Variants in SNRNP40 observed in about 807,000 individuals in gnomAD.
SNRNP40 encodes the protein U5 small nuclear ribonucleoprotein 40 kDa protein.
A neutral mutation model predicts 45.8 loss-of-function variants in SNRNP40; 21 were observed. The observed-to-expected ratio is 0.46, with a 90% confidence interval of 0.32 to 0.66. The LOEUF is 0.66. Ranked by LOEUF, SNRNP40 falls within the 30% of genes least tolerant of loss-of-function variation. The probability of loss-of-function intolerance (pLI) is 0.03; values close to 1 mark genes in which losing one functional copy is unlikely to be tolerated. For missense variants in SNRNP40, 344 were observed against 439.1 expected (o/e 0.78, Z 1.94); for synonymous variants, 142 against 163.8 (o/e 0.87, Z 1.01).
intron 9 of SNRNP40, 110 bp downstream of exon 9, chr1:31,261,419 G>T: frequency 1.4e-6 from 1 of 695,646 alleles, no homozygotes; most frequent in Non-Finnish European, 2.5e-6. Context: ...CCCAAAGGCT[G>T]TTTGCATGGA....
intron 5 of SNRNP40, among the ~76,000 whole-genome samples, chr1:31,275,516 A>G (rs974712175): frequency 2.6e-5 from 4 of 152,092 alleles, no homozygotes; most frequent in Non-Finnish European, 1.5e-5. Flanking sequence ...CAGGCTCCCA[A>G]GTAGCTGGGA....
chr1:31,260,948 G>T, intron 9 of SNRNP40: 1 of 1,079,948 alleles, frequency 9.3e-7, no homozygotes, highest in South Asian at 1.7e-5. Context: ...AAAAAAATTA[G>T]ACTTACCAAC....
chr1:31,264,744 CAG>C (rs1645884804), intron 8 of SNRNP40, among the ~76,000 whole-genome samples: 1 of 152,128 alleles, frequency 6.6e-6, no homozygotes, highest in Admixed American at 6.6e-5. Flanking sequence ...TAGGACTATT[CAG>C]AGTTTCAAGT....
chr1:31,290,980 G>A (rs1646102237), intron 3 of SNRNP40, among the ~76,000 whole-genome samples: 1 of 151,870 alleles, frequency 6.6e-6, no homozygotes, highest in African/African-American at 2.4e-5. Flanking sequence ...AAAGGCATTA[G>A]AAAAATGTAT....
chr1:31,286,346 TG>T (rs912262119), intron 4 of SNRNP40, among the ~76,000 whole-genome samples: 2 of 152,208 alleles, frequency 1.3e-5, no homozygotes, highest in Non-Finnish European at 2.9e-5. Context: ...TTCACTTATT[TG>T]ATTATGCTTC....
rs372524542 is a variant in SNRNP40, at chr1:31,260,111, T to C, written c.1035A>G (p.Ala345=). ...FHPDEPIIIS[A]SSDKRLYMGE... Reference sequence around the variant, plus strand: ...CCATATACAGTCTCTTGTCACTCGATGCTGAGATAACTGAGGTAAAAAGAA... The same window carrying C: ...CCATATACAGTCTCTTGTCACTCGACGCTGAGATAACTGAGGTAAAAAGAA... Residue 345 remains alanine (A), a synonymous_variant, in exon 10 of 10, where the codon GCA becomes GCG. Transcript: ENST00000263694. 6.3e-7 allele frequency: 1 copy of C among 1,599,944 alleles called. No homozygotes were observed. The highest frequency in any genetic ancestry group is 1.1e-5 in the South Asian group (1 of 89,042).
At chr1:31,261,128 G>A (rs533080456) in intron 9 of SNRNP40, 306 of 696,698 alleles carry the variant, frequency 4.4e-4, no homozygotes, top group Middle Eastern at 3.8e-3. Flanking sequence ...ATTACTGGAC[G>A]TCAGGAGTTC....
chr1:31,267,473 C>G (rs1170569068), intron 8 of SNRNP40, among the ~76,000 whole-genome samples: 5 of 152,174 alleles, frequency 3.3e-5, no homozygotes, highest in African/African-American at 1.2e-4. Context: ...TCTATGTCTG[C>G]TCTAGCTCCA....
At chr1:31,268,293 T>G (rs1349843793) in intron 7 of SNRNP40, among the ~76,000 whole-genome samples, 3 of 98,900 alleles carry the variant, frequency 3.0e-5, no homozygotes, top group African/African-American at 9.9e-5. Context: ...TGGGTTTTTT[T>G]TTTTTTTGAG....
chr1:31,284,542 G>C (rs1396301047), intron 4 of SNRNP40, among the ~76,000 whole-genome samples: 3 of 152,168 alleles, frequency 2.0e-5, no homozygotes, highest in Non-Finnish European at 4.4e-5. Context: ...TTCAATAAAT[G>C]AATGACACAC....
At chr1:31,260,146 A>T in intron 9 of SNRNP40, 25 bp from the exon 10 acceptor site, 1 of 1,533,318 alleles carries the variant, frequency 6.5e-7, no homozygotes, top group South Asian at 1.2e-5. Flanking sequence ...ACAGATAACT[A>T]GAAATAATGA....
chr1:31,259,924 T>C lies in SNRNP40; in HGVS notation c.*148A>G, dbSNP rs745900678. ...TCCTGGTGAAATGGGACAGAAGTGG[T>C]TTTTGGAATATGGCCACCGCCTCCT... On this transcript the variant is annotated 3_prime_UTR_variant, in exon 10 of 10. Transcript: ENST00000263694. 4.2e-6 allele frequency: 3 copies of C among 717,374 alleles called. No individual in the cohort carries two copies. Among genetic ancestry groups the C allele is most frequent in the South Asian group, 3.0e-5 (2 of 67,582 alleles). 44.4% of individuals were successfully genotyped at this position (717,374 alleles called of 1,614,324 possible).
chr1:31,291,285 TC>T (rs1194379454), intron 3 of SNRNP40, among the ~76,000 whole-genome samples: 1 of 35,582 alleles, frequency 2.8e-5, no homozygotes, highest in Admixed American at 2.8e-4. Flanking sequence ...TGAAATTCCG[TC>T]TCAAAAAAAA....
At chr1:31,263,094 T>C (rs911189074) in intron 8 of SNRNP40, among the ~76,000 whole-genome samples, 3 of 152,122 alleles carry the variant, frequency 2.0e-5, no homozygotes, top group Non-Finnish European at 2.9e-5. Flanking sequence ...TGAAATACTC[T>C]GAATACTACT....
chr1:31,268,604 T>A (rs1267141978), intron 7 of SNRNP40, among the ~76,000 whole-genome samples: 1 of 151,990 alleles, frequency 6.6e-6, no homozygotes, highest in African/African-American at 2.4e-5. Flanking sequence ...TGAAACTGAA[T>A]CTCAATGAGC....
chr1:31,263,979 G>A (rs913810636), intron 8 of SNRNP40, among the ~76,000 whole-genome samples: 3 of 148,338 alleles, frequency 2.0e-5, no homozygotes, highest in African/African-American at 7.4e-5. Flanking sequence ...AAAGGGTAAA[G>A]TATAGAGCTA....
intron 4 of SNRNP40, chr1:31,282,433 A>G (rs1334285226): frequency 1.3e-5 from 2 of 152,018 alleles, no homozygotes; most frequent in African/African-American, 4.8e-5. Flanking sequence ...AATTTGGGGA[A>G]TAAGAGCTTC....
At chr1:31,272,534 T>C (rs966092731) in intron 5 of SNRNP40, among the ~76,000 whole-genome samples, 1 of 152,206 alleles carries the variant, frequency 6.6e-6, no homozygotes, top group African/African-American at 2.4e-5. Context: ...CTTAGAGTTA[T>C]GTGTCATTGG....
chr1:31,267,743 C>T, intron 8 of SNRNP40, 128 bp downstream of exon 8: 1 of 666,352 alleles, frequency 1.5e-6, no homozygotes, highest in South Asian at 1.5e-5. Context: ...CCATGTTGGT[C>T]AGGCTGGTCT....
Sources: allele counts gnomAD v4.1 joint callset (sites outside exome capture counted in the v4.1 genomes callset), GRCh38; gene constraint gnomAD v4.1.1; transcripts MANE v1.5; gene names NCBI Gene and HGNC (gene_info 2026-07-23, HGNC 2026-07-21).